The following RGS5 variants were observed in gnomAD, a reference collection of about 807,000 sequenced individuals.
RGS5 encodes the protein regulator of G-protein signalling 5.
A neutral mutation model predicts 18.9 loss-of-function variants in RGS5; 20 were observed. The observed-to-expected ratio is 1.06, with a 90% CI of 0.74 to 1.54. RGS5 has a LOEUF of 1.54. RGS5 is among the 40% of genes most tolerant of loss of function. The pLI is 0.00. For missense variants in RGS5, 201 were observed against 211.8 expected (o/e 0.95, Z 0.32); for synonymous variants, 57 against 76.2 (o/e 0.75, Z 1.31).
chr1:163,222,388 C>A (rs975089276), upstream of RGS5, among the ~76,000 whole-genome samples: 1 of 152,214 alleles, frequency 6.6e-6, no homozygotes, highest in Non-Finnish European at 1.5e-5. Flanking sequence ...AAACCACCAA[C>A]CCCCCACCCC....
At chr1:163,274,790 C>T (rs1165598090) in intron 2 of RGS5, among the ~76,000 whole-genome samples, 1 of 152,158 alleles carries the variant, frequency 6.6e-6, no homozygotes, top group Non-Finnish European at 1.5e-5. Flanking sequence ...TGTTAAAAAA[C>T]ACCTCAGAGC....
intron 1 of RGS5, among the ~76,000 whole-genome samples, chr1:163,315,999 T>G (rs1349836543): frequency 6.6e-6 from 1 of 152,232 alleles, no homozygotes; most frequent in African/African-American, 2.4e-5. Flanking sequence ...ATGCTGTATA[T>G]TCAAAAGTGT....
chr1:163,234,637 G>GT (rs1647573274), intron 2 of RGS5, among the ~76,000 whole-genome samples: 1 of 152,190 alleles, frequency 6.6e-6, no homozygotes, highest in Non-Finnish European at 1.5e-5. Context: ...ATCTGAGCCA[G>GT]TTTTCTTTGA....
chr1:163,187,561 T>TA (rs1299032511), intron 1 of RGS5, among the ~76,000 whole-genome samples: 6 of 152,158 alleles, frequency 3.9e-5, no homozygotes, highest in African/African-American at 1.4e-4. Flanking sequence ...TCCCGCCTCA[T>TA]ACGCTGGCAG....
intron 3 of RGS5, among the ~76,000 whole-genome samples, chr1:163,155,353 C>G (rs1038387682): frequency 6.6e-6 from 1 of 152,284 alleles, no homozygotes; most frequent in African/African-American, 2.4e-5. Flanking sequence ...CTTTTCTGTG[C>G]AGCAAGTCCA....
At chr1:163,172,702 A>G (rs1557889163) in intron 1 of RGS5, 2 of 1,216,610 alleles carry the variant, frequency 1.6e-6, no homozygotes, top group South Asian at 3.3e-5. Flanking sequence ...TAAAGTTAAG[A>G]GTATTTAAGT....
chr1:163,265,628 C>G (rs1414053316), intron 2 of RGS5, among the ~76,000 whole-genome samples: 2 of 152,066 alleles, frequency 1.3e-5, no homozygotes, highest in Non-Finnish European at 2.9e-5. Flanking sequence ...ATTATGTATT[C>G]TTTTGTCAAT....
chr1:163,215,298 C>T (rs1042469496), intron 1 of RGS5, among the ~76,000 whole-genome samples: 8 of 152,184 alleles, frequency 5.3e-5, no homozygotes, highest in African/African-American at 1.9e-4. Context: ...CTTGGGTTTA[C>T]TCCAAACTCA....
chr1:163,236,745 G>A (rs971953963), intron 2 of RGS5, among the ~76,000 whole-genome samples: 3 of 152,054 alleles, frequency 2.0e-5, no homozygotes, highest in African/African-American at 4.8e-5. Flanking sequence ...GGTGGCTCAC[G>A]AGGTCAAGAG....
intron 1 of RGS5, among the ~76,000 whole-genome samples, chr1:163,169,549 G>T (rs1000521529): frequency 6.6e-6 from 1 of 152,022 alleles, no homozygotes; most frequent in East Asian, 1.9e-4. Flanking sequence ...TTTGATGATC[G>T]CCATTCTAAC....
chr1:163,187,483 A>G (rs1447413762), intron 1 of RGS5, among the ~76,000 whole-genome samples: 33 of 152,148 alleles, frequency 2.2e-4, no homozygotes, highest in Admixed American at 2.2e-3. Flanking sequence ...CCTTTCACCT[A>G]TCACAGGCAG....
chr1:163,291,507 C>T (rs746089230), intron 2 of RGS5, among the ~76,000 whole-genome samples: 55 of 152,148 alleles, frequency 3.6e-4, no homozygotes, highest in Admixed American at 1.2e-3. Flanking sequence ...AAATGACAGC[C>T]GGCCATGATT....
intron 1 of RGS5, among the ~76,000 whole-genome samples, chr1:163,317,109 A>C (rs551479681): frequency 6.6e-6 from 1 of 152,238 alleles, no homozygotes; most frequent in African/African-American, 2.4e-5. Flanking sequence ...ATGTATCTGG[A>C]CATTGTCATG....
chr1:163,175,864 G>A (rs1423191409), intron 1 of RGS5, among the ~76,000 whole-genome samples: 2 of 152,142 alleles, frequency 1.3e-5, no homozygotes, highest in African/African-American at 4.8e-5. Flanking sequence ...TGATAAAAAG[G>A]TGAAGAAAAT....
intron 2 of RGS5, among the ~76,000 whole-genome samples, chr1:163,229,698 C>T (rs1480482012): frequency 6.6e-6 from 1 of 152,210 alleles, no homozygotes; most frequent in Admixed American, 6.5e-5. Context: ...ACATGGCTGT[C>T]TCTCTCACCT....
intron 1 of RGS5, among the ~76,000 whole-genome samples, chr1:163,186,483 G>A (rs1435306367): frequency 6.7e-6 from 1 of 149,590 alleles, no homozygotes; most frequent in Non-Finnish European, 1.5e-5. Context: ...GGAGGCTGAG[G>A]CAGGAGAATG....
intron 2 of RGS5, among the ~76,000 whole-genome samples, chr1:163,167,629 A>G (rs561200559): frequency 4.6e-5 from 7 of 152,302 alleles, no homozygotes; most frequent in African/African-American, 1.7e-4. Context: ...CAGAAATCCA[A>G]TCAAGAATAT....
intron 1 of RGS5, among the ~76,000 whole-genome samples, chr1:163,181,381 C>T (rs1229962584): frequency 6.6e-6 from 1 of 152,128 alleles, no homozygotes; most frequent in Non-Finnish European, 1.5e-5. Context: ...TTTCTTGAAA[C>T]CTCTGTAACT....
intron 2 of RGS5, among the ~76,000 whole-genome samples, chr1:163,263,112 C>A (rs1648494012): frequency 6.6e-6 from 1 of 152,156 alleles, no homozygotes; most frequent in African/African-American, 2.4e-5. Context: ...CCTTTTCATG[C>A]AGTCTGGGCA....
Sources: gnomAD v4.1 joint callset for allele counts (sites outside exome capture counted in the v4.1 genomes callset) on GRCh38, gnomAD v4.1.1 for gene constraint, MANE v1.5 for transcripts, NCBI Gene and HGNC (gene_info 2026-07-23, HGNC 2026-07-21) for gene names.